Variants in KNSTRN observed in about 807,000 individuals in gnomAD.
KNSTRN encodes kinetochore localized astrin (SPAG5) binding protein, also known as small kinetochore-associated protein.
A neutral mutation model predicts 44.7 loss-of-function variants in KNSTRN; 38 were observed. The ratio of observed to expected loss-of-function variants is 0.85; its 90% CI spans 0.66 to 1.11. KNSTRN has a LOEUF of 1.11. Ranked by LOEUF, KNSTRN falls within the 50% of genes most tolerant of loss-of-function variation. The pLI, the probability that KNSTRN is intolerant of heterozygous loss-of-function variation, is 0.00. For missense variants in KNSTRN, 406 were observed against 375.8 expected, an observed-to-expected ratio of 1.08 and a Z score of -0.66; for synonymous variants, 158 against 148.1, an observed-to-expected ratio of 1.07 and a Z score of -0.48.
Position 40,389,500 on chromosome 15 carries a change from T to C in KNSTRN, c.486-6T>C. Reference sequence around the variant, plus strand: ...TCTTTTCATGTAAGTACAACTATTATTACAGCTACAAACCACTGAGTAAGC... The same window carrying C: ...TCTTTTCATGTAAGTACAACTATTACTACAGCTACAAACCACTGAGTAAGC... On this transcript the variant is annotated splice_region_variant and splice_polypyrimidine_tract_variant and intron_variant, in intron 4 of 8. Coordinates refer to ENST00000249776, the MANE Select transcript of KNSTRN (RefSeq NM_033286.4). 1 of 1,607,688 alleles carries C rather than the reference T, an allele frequency of 6.2e-7. No homozygotes were observed. The highest frequency in any genetic ancestry group is 1.1e-5 in the South Asian group (1 of 90,974).
At chr15:40,386,635 G>C in intron 3 of KNSTRN, 141 bp downstream of exon 3, 1 of 778,848 alleles carries the variant, frequency 1.3e-6, no homozygotes, top group Non-Finnish European at 2.0e-6. Context: ...GTGCAGCATT[G>C]CTGAGCTCTG....
At chr15:40,392,088 TC>T (rs1566923905) in intron 8 of KNSTRN, 65 bp downstream of exon 8, 2 of 940,480 alleles carry the variant, frequency 2.1e-6, no homozygotes, top group Non-Finnish European at 3.1e-6. Context: ...TGGGGTCTTT[TC>T]TGTTTTTCTA....
intron 3 of KNSTRN, chr15:40,386,898 G>A (rs1889912331): frequency 3.6e-6 from 2 of 558,934 alleles, no homozygotes; most frequent in Non-Finnish European, 6.4e-6. Context: ...GTTGACATGA[G>A]ATAGCCACGC....
rs1191838836 is a variant in KNSTRN at position 40,387,215 on chromosome 15, C to A, written c.485+9C>A. The A allele has an allele frequency of 6.2e-7, 1 of 1,608,518 alleles. No individual in the cohort carries two copies. The highest frequency in any genetic ancestry group is 8.5e-7 in the Non-Finnish European group (1 of 1,174,908). On this transcript the variant is annotated intron_variant, in intron 4 of 8. Transcript: ENST00000249776. ...AGGAATGTCAGAAAAGGGTGAGCAT[C>A]AGGGTAAATCAACTTGGCCACTATT...
rs569993196 is a variant in KNSTRN at position 40,392,349 on chromosome 15, C to G, written c.822+326C>G. On this transcript the variant is annotated intron_variant, in intron 8 of 8. Coordinates refer to ENST00000249776, the MANE Select transcript of KNSTRN (RefSeq NM_033286.4). Reference sequence around the variant, plus strand: ...TATTCTTCTTGATGCACTTCCTCCTCCACCCCCAATAGTAACATCTTACAT... The same window carrying G: ...TATTCTTCTTGATGCACTTCCTCCTGCACCCCCAATAGTAACATCTTACAT... Among the ~76,000 whole-genome samples, 8 of 152,184 alleles carry G rather than the reference C, an allele frequency of 5.3e-5. No individual in the cohort carries two copies. In the South Asian group the frequency reaches 1.7e-3, roughly 32 times the overall value.
rs934279382 is a variant in KNSTRN at position 40,384,352 on chromosome 15, C to T, written c.304+1030C>T. On this transcript the variant is annotated intron_variant, in intron 2 of 8. Coordinates refer to ENST00000249776, the MANE Select transcript of KNSTRN (RefSeq NM_033286.4). ...TTGCGCCACTGCACTCCAGCCTGGG[C>T]GACAGAGCGAGACTCCGTCTCAAAA... 14 of 406,192 alleles carry T rather than the reference C, an allele frequency of 3.4e-5. No individual in the cohort carries two copies. The East Asian group carries it at 7.5e-4, about 22-fold the overall frequency. 25.2% of individuals were successfully genotyped at this position (406,192 alleles called of 1,614,324 possible).
chr15:40,386,933 AGGTTGTTAGGGT>A, intron 3 of KNSTRN: 1 of 583,316 alleles, frequency 1.7e-6, no homozygotes, highest in East Asian at 2.9e-5. Context: ...CAGCTCTGTC[AGGTTGTTAGGGT>A]GGTCGGAGGC....
At chr15:40,384,591 G>T in intron 2 of KNSTRN, 1 of 425,946 alleles carries the variant, frequency 2.3e-6, no homozygotes, top group Non-Finnish European at 4.7e-6. Context: ...AGCTCTCTCA[G>T]CCAAGTTGGA....
chr15:40,391,469 G>T (rs1184759434), intron 6 of KNSTRN, 24 bp from the exon 7 acceptor site: 6 of 1,606,520 alleles, frequency 3.7e-6, no homozygotes, highest in Non-Finnish European at 1.7e-6. Flanking sequence ...CCCTAAGTGA[G>T]ATTGACTTTG....
In KNSTRN at chr15:40,393,532, T is replaced by C. The variant is rs375197641; in HGVS notation, c.886T>C (p.Cys296Arg). Reference protein sequence around the residue: ...RVRFLEQQTLCNNQVNDLTTA... With the variant: ...RVRFLEQQTLRNNQVNDLTTA... Reference sequence around the variant, plus strand: ...CCGATTCCTAGAACAGCAAACCTTATGTAACAATCAAGTAAATGATTTAAC... The same window carrying C: ...CCGATTCCTAGAACAGCAAACCTTACGTAACAATCAAGTAAATGATTTAAC... Residue 296 changes from cysteine (C) to arginine (R), a missense_variant, in exon 9 of 9, where the codon TGT becomes CGT. Coordinates refer to ENST00000249776, the MANE Select transcript of KNSTRN (RefSeq NM_033286.4). 1 of 1,614,146 alleles carries C rather than the reference T, an allele frequency of 6.2e-7. No individual in the cohort carries two copies. The highest frequency in any genetic ancestry group is 8.5e-7 in the Non-Finnish European group (1 of 1,180,016).
At chr15:40,383,468 G>T (rs1889851020) in intron 2 of KNSTRN, 146 bp downstream of exon 2, 2 of 613,606 alleles carry the variant, frequency 3.3e-6, no homozygotes, top group South Asian at 4.0e-5. Context: ...AGGCTATGTA[G>T]GTTTATGATG....
chr15:40,393,284 A>G, intron 8 of KNSTRN, 185 bp from the exon 9 acceptor site: 2 of 1,612,180 alleles, frequency 1.2e-6, no homozygotes, highest in Non-Finnish European at 1.7e-6. Flanking sequence ...CTCTACTACT[A>G]GAGGGACAAT....
In KNSTRN at chr15:40,382,924, G is replaced by A. The variant is rs544764233; in HGVS notation, c.89G>A (p.Ser30Asn). 2.5e-6 allele frequency: 4 copies of A among 1,612,274 alleles called. No individual in the cohort carries two copies. Among genetic ancestry groups the A allele is most frequent in the South Asian group, 2.2e-5 (2 of 91,000 alleles). Residue 30 changes from serine (S) to asparagine (N), a missense_variant, in exon 1 of 9, where the codon AGC (serine) becomes AAC (asparagine). Transcript: ENST00000249776. ...TGCGATTCCCACCCACTTCCGCCTA[G>A]CTACCGGAAGTTTCTATTTGAAACC... ...TECDSHPLPPSYRKFLFETQA... is the reference protein window; with the variant it reads ...TECDSHPLPPNYRKFLFETQA...
chr15:40,386,508 AT>A lies in KNSTRN; in HGVS notation c.437+16del. On this transcript the variant is annotated intron_variant, in intron 3 of 8. Transcript: ENST00000249776. Reference sequence around the variant, plus strand: ...ACGAGAGAATGGGTGAGAACGGATCATTAGTATCCAGTTAGAACATCTTCCT... The same window carrying A: ...ACGAGAGAATGGGTGAGAACGGATCATAGTATCCAGTTAGAACATCTTCCT... The A allele has an allele frequency of 6.2e-7, 1 of 1,610,844 alleles. No individual in the cohort carries two copies. Among genetic ancestry groups the A allele is most frequent in the Non-Finnish European group, 8.5e-7 (1 of 1,179,048 alleles).
intron 5 of KNSTRN, 86 bp downstream of exon 5, chr15:40,389,697 C>G: frequency 7.8e-7 from 1 of 1,285,240 alleles, no homozygotes; most frequent in Non-Finnish European, 1.1e-6. Context: ...GATGAGCAAG[C>G]TTGTTAATGC....
intron 6 of KNSTRN, among the ~76,000 whole-genome samples, chr15:40,390,778 C>A (rs192222851): frequency 9.7e-4 from 147 of 152,138 alleles, no homozygotes; most frequent in Non-Finnish European, 9.0e-4. Context: ...CCACACCCAG[C>A]TAATTTTTGT....
Position 40,389,562 on chromosome 15 carries a change from T to TG in KNSTRN, c.543dup (p.Leu182ValfsTer14). 6.2e-7 allele frequency: 1 copy of TG among 1,614,152 alleles called. No individual in the cohort carries two copies. Among genetic ancestry groups the TG allele is most frequent in the Non-Finnish European group, 8.5e-7 (1 of 1,180,018 alleles). ...GAAGAGCTCAAGGACAAGAACCAGC[T>TG]GTTAGAAGCCGTCAACAAGCAGTTG... is the stretch of plus-strand genomic sequence containing the variant. On this transcript the variant is annotated frameshift_variant, in exon 5 of 9. Transcript: ENST00000249776. LOFTEE classifies it high-confidence loss of function.
chr15:40,391,493 C>T lies in KNSTRN; in HGVS notation c.686C>T (p.Ala229Val). 6.2e-7 allele frequency: 1 copy of T among 1,613,378 alleles called. No individual in the cohort carries two copies. The highest frequency in any genetic ancestry group is 8.5e-7 in the Non-Finnish European group (1 of 1,179,400). ...AGATTGACTTTGTTGTATCCATCAG[C>T]TTTAGGCAGTGAGACCCTGGCATCA... ...AILESKGLDP[A>V]LGSETLASRQ... The change falls in exon 7 of 9, where the codon GCT becomes GTT. Residue 229 changes from alanine (A) to valine (V), a missense_variant and splice_region_variant. Coordinates refer to ENST00000249776, the MANE Select transcript of KNSTRN (RefSeq NM_033286.4).
chr15:40,383,019 T>C lies in KNSTRN; in HGVS notation c.184T>C (p.Cys62Arg), dbSNP rs1889838312. ...GNLLNESEKD[C>R]GQDRRAPGVQ... ...TCTTTTAAACGAGAGCGAGAAGGAC[T>C]GCGGGCAGGACCGGCGGGCTCCTGG... Residue 62 changes from cysteine (C) to arginine (R), a missense_variant, in exon 1 of 9, where the codon TGC (cysteine) becomes CGC (arginine). By Grantham distance (180) the Cys-to-Arg change is radical (BLOSUM62 -3). Transcript: ENST00000249776. 4 of 1,611,490 alleles carry C rather than the reference T, an allele frequency of 2.5e-6. 1 individual carries two copies. The highest frequency in any genetic ancestry group is 1.7e-6 in the Non-Finnish European group (2 of 1,180,010).
Sources: allele counts gnomAD v4.1 joint callset (sites outside exome capture counted in the v4.1 genomes callset), GRCh38; gene constraint gnomAD v4.1.1; transcripts MANE v1.5; gene names NCBI Gene and HGNC (gene_info 2026-07-23, HGNC 2026-07-21).